DPP10: variants seen among roughly 807,000 people sequenced by gnomAD.
DPP10 encodes dipeptidyl peptidase like 10, also known as inactive dipeptidyl peptidase 10.
A neutral mutation model predicts 120.9 loss-of-function variants in DPP10; 33 were observed. That is an observed-to-expected ratio of 0.27 (90% CI 0.21 to 0.37). The LOEUF (loss-of-function observed/expected upper bound fraction) is 0.37. Among genes scored for constraint, DPP10 ranks in the 10% least tolerant of loss-of-function variants. DPP10 has a pLI of 1.00. For missense variants in DPP10, 816 were observed against 942.8 expected (o/e 0.87, Z 1.76); for synonymous variants, 337 against 326.1 (o/e 1.03, Z -0.36).
At chr2:114,847,530 A>C (rs978011162) in intron 1 of DPP10, among the ~76,000 whole-genome samples, 1 of 152,150 alleles carries the variant, frequency 6.6e-6, no homozygotes, top group Non-Finnish European at 1.5e-5. Flanking sequence ...ACAGTGCCTA[A>C]CACATTAGAG....
intron 3 of DPP10, among the ~76,000 whole-genome samples, chr2:115,387,736 T>G (rs1210427065): frequency 2.0e-5 from 3 of 152,216 alleles, no homozygotes; most frequent in Non-Finnish European, 4.4e-5. Flanking sequence ...TTGGTTATTG[T>G]GCTTTTATAG....
At chr2:115,313,410 C>T (rs544846861) in intron 2 of DPP10, among the ~76,000 whole-genome samples, 3 of 152,244 alleles carry the variant, frequency 2.0e-5, no homozygotes, top group South Asian at 2.1e-4. Context: ...ATATTAATAA[C>T]AGCTACCAAT....
chr2:115,644,229 T>C (rs2087032890), intron 5 of DPP10, among the ~76,000 whole-genome samples: 1 of 152,158 alleles, frequency 6.6e-6, no homozygotes, highest in Non-Finnish European at 1.5e-5. Flanking sequence ...TTGTTACGTA[T>C]GTATACATGT....
chr2:114,543,520 C>T (rs1281817377), intron 1 of DPP10, among the ~76,000 whole-genome samples: 1 of 152,214 alleles, frequency 6.6e-6, no homozygotes, highest in Non-Finnish European at 1.5e-5. Context: ...ACGCCGCCTC[C>T]TGGTGACCAA....
At chr2:114,986,050 T>C (rs1700373834) in intron 1 of DPP10, among the ~76,000 whole-genome samples, 2 of 152,288 alleles carry the variant, frequency 1.3e-5, no homozygotes, top group East Asian at 3.9e-4. Flanking sequence ...AAATAGTGTA[T>C]CATTGAAATG....
At chr2:115,672,680 C>CTCTTTCTTGCTTTCTTTCTTTCTT (rs2089983901) in intron 5 of DPP10, among the ~76,000 whole-genome samples, 1 of 113,264 alleles carries the variant, frequency 8.8e-6, no homozygotes, top group Non-Finnish European at 1.8e-5. Context: ...CTCTTTCTTT[C>CTCTTTCTTGCTTTCTTTCTTTCTT]TCTTTCTTTC....
At chr2:114,461,867 A>G (rs1462552581) in intron 1 of DPP10, 1 of 985,418 alleles carries the variant, frequency 1.0e-6, no homozygotes, top group East Asian at 1.1e-4. Context: ...AAGAATGGAA[A>G]ATGAAAAAGA....
intron 1 of DPP10, among the ~76,000 whole-genome samples, chr2:114,562,295 T>C (rs866104318): frequency 1.2e-4 from 18 of 152,232 alleles, no homozygotes; most frequent in African/African-American, 3.1e-4. Context: ...TGAATGTCTC[T>C]CTTCATTTCC....
chr2:115,754,384 A>C (rs1179897722), intron 11 of DPP10, among the ~76,000 whole-genome samples: 1 of 152,112 alleles, frequency 6.6e-6, no homozygotes, highest in African/African-American at 2.4e-5. Flanking sequence ...CAACTACTAA[A>C]AATTTTTGAA....
At chr2:115,181,443 G>A (rs2054073481) in intron 1 of DPP10, among the ~76,000 whole-genome samples, 1 of 152,146 alleles carries the variant, frequency 6.6e-6, no homozygotes, top group Non-Finnish European at 1.5e-5. Context: ...GTAGCTGGAA[G>A]GTCAGGAAGA....
At chr2:114,682,337 C>A (rs1259276234) in intron 1 of DPP10, among the ~76,000 whole-genome samples, 3 of 151,980 alleles carry the variant, frequency 2.0e-5, no homozygotes, top group African/African-American at 7.2e-5. Flanking sequence ...CAAGTTCCAG[C>A]TGGCATTTGA....
intron 1 of DPP10, among the ~76,000 whole-genome samples, chr2:115,292,473 T>C (rs538564677): frequency 6.6e-6 from 1 of 152,256 alleles, no homozygotes; most frequent in Non-Finnish European, 1.5e-5. Context: ...CATGTCTCCA[T>C]ACTGAATCAA....
chr2:114,989,783 G>A (rs999471687), intron 1 of DPP10, among the ~76,000 whole-genome samples: 3 of 152,162 alleles, frequency 2.0e-5, no homozygotes, highest in East Asian at 1.9e-4. Flanking sequence ...TAAGACAGAC[G>A]TCTATATGCA....
At chr2:114,571,174 G>T (rs574363967) in intron 1 of DPP10, among the ~76,000 whole-genome samples, 1 of 152,142 alleles carries the variant, frequency 6.6e-6, no homozygotes, top group Non-Finnish European at 1.5e-5. Context: ...GAGACGGGGC[G>T]TACTGGGAGG....
At chr2:114,955,445 GT>G (rs1431487989) in intron 1 of DPP10, among the ~76,000 whole-genome samples, 1 of 152,172 alleles carries the variant, frequency 6.6e-6, no homozygotes, top group African/African-American at 2.4e-5. Context: ...ATTTTACCCA[GT>G]TCTGCTGAAG....
At chr2:114,638,270 A>G (rs1322144208) in intron 1 of DPP10, among the ~76,000 whole-genome samples, 1 of 151,728 alleles carries the variant, frequency 6.6e-6, no homozygotes, top group African/African-American at 2.4e-5. Flanking sequence ...CTTGATTTGA[A>G]TCTCAGTTTG....
chr2:115,319,556 T>C (rs1334306689), intron 2 of DPP10, among the ~76,000 whole-genome samples: 1 of 152,226 alleles, frequency 6.6e-6, no homozygotes, highest in Non-Finnish European at 1.5e-5. Flanking sequence ...AATGATTTTG[T>C]AACTTACTCA....
At chr2:115,061,987 A>G (rs570515744) in intron 1 of DPP10, among the ~76,000 whole-genome samples, 16 of 151,350 alleles carry the variant, frequency 1.1e-4, no homozygotes, top group African/African-American at 3.9e-4. Context: ...TTTTTTTTAA[A>G]TATTTTGTTT....
intron 1 of DPP10, among the ~76,000 whole-genome samples, chr2:114,855,434 T>G (rs905214550): frequency 6.6e-6 from 1 of 152,194 alleles, no homozygotes; most frequent in African/African-American, 2.4e-5. Flanking sequence ...TTATTTTATA[T>G]TTTATGATAT....
Sources: allele counts gnomAD v4.1 joint callset (sites outside exome capture counted in the v4.1 genomes callset), GRCh38; gene constraint gnomAD v4.1.1; transcripts MANE v1.5; gene names NCBI Gene and HGNC (gene_info 2026-07-23, HGNC 2026-07-21).